The following FILIP1 variants were observed in gnomAD, a reference collection of about 807,000 sequenced individuals.
The protein encoded by FILIP1 is filamin A interacting protein 1.
FILIP1 carries 61 observed loss-of-function variants against 102.1 expected under a neutral mutation model. The observed-to-expected ratio is 0.60, with a 90% CI of 0.49 to 0.74. The LOEUF is 0.74. Among genes scored for constraint, FILIP1 ranks in the 30% least tolerant of loss-of-function variants. The probability of loss-of-function intolerance (pLI) is 0.00; values close to 1 mark genes in which losing one functional copy is unlikely to be tolerated. For missense variants in FILIP1, 1,314 were observed against 1,441.2 expected (o/e 0.91, Z 1.43); for synonymous variants, 491 against 526.9 (o/e 0.93, Z 0.93).
rs1017527092 is a variant in FILIP1 at position 75,403,892 on chromosome 6, C to A, written c.276+10805G>T. ...AGCAGTTATCCAGTTATCTACTGAC[C>A]TTCTAGTCCCCAATGCTCATATTCG... is the stretch of plus-strand genomic sequence containing the variant. On this transcript the variant is annotated intron_variant, in intron 2 of 5. Transcript: ENST00000237172. Among the ~76,000 whole-genome samples, 149 of 152,178 alleles carry A rather than the reference C, an allele frequency of 9.8e-4. 2 individuals carry two copies. The highest frequency in any genetic ancestry group is 2.2e-4 in the Non-Finnish European group (15 of 68,036).
intron 2 of FILIP1, among the ~76,000 whole-genome samples, chr6:75,396,498 C>T (rs945911166): frequency 6.6e-6 from 1 of 152,050 alleles, no homozygotes; most frequent in Non-Finnish European, 1.5e-5. Context: ...CTCTCCATTG[C>T]CTGGCATTCC....
At chr6:75,372,681 GAA>G (rs1161193079) in intron 2 of FILIP1, among the ~76,000 whole-genome samples, 20 of 45,622 alleles carry the variant, frequency 4.4e-4, no homozygotes, top group East Asian at 1.7e-3. Context: ...AAGAAAGAAA[GAA>G]AGAGAAAGAA....
At chr6:75,407,978 T>G (rs1450944734) in intron 2 of FILIP1, among the ~76,000 whole-genome samples, 1 of 152,190 alleles carries the variant, frequency 6.6e-6, no homozygotes, top group Non-Finnish European at 1.5e-5. Context: ...ACTTCTGTCA[T>G]TTTTAGTACA....
At chr6:75,292,570 A>G (rs1772570060) in exon 7 of FILIP1, 2 of 152,160 alleles carry the variant, frequency 1.3e-5, no homozygotes, top group South Asian at 4.1e-4. Context: ...AATTCTTATA[A>G]ACTTTTATTA....
intron 2 of FILIP1, among the ~76,000 whole-genome samples, chr6:75,372,850 T>G (rs796309870): frequency 1.1e-4 from 17 of 152,014 alleles, no homozygotes; most frequent in African/African-American, 4.1e-4. Context: ...GAAACCCTGG[T>G]GCACTAGTGG....
intron 1 of FILIP1, among the ~76,000 whole-genome samples, chr6:75,460,243 T>C (rs1778979774): frequency 6.6e-6 from 1 of 152,148 alleles, no homozygotes; most frequent in Admixed American, 6.6e-5. Context: ...ACCCTCAAAG[T>C]ATTTTTGCTA....
chr6:75,400,001 A>G (rs1776597692), intron 2 of FILIP1, among the ~76,000 whole-genome samples: 1 of 152,154 alleles, frequency 6.6e-6, no homozygotes, highest in Non-Finnish European at 1.5e-5. Flanking sequence ...CATTAAGATG[A>G]CGGTGTTCTC....
At chr6:75,452,281 C>T (rs1388675071) in intron 1 of FILIP1, among the ~76,000 whole-genome samples, 1 of 151,948 alleles carries the variant, frequency 6.6e-6, no homozygotes, top group Non-Finnish European at 1.5e-5. Flanking sequence ...ACAACAGTCC[C>T]CGGTGTGTGA....
At chr6:75,305,325 G>A (rs954808272), downstream of FILIP1, among the ~76,000 whole-genome samples, 9 of 152,214 alleles carry the variant, frequency 5.9e-5, no homozygotes, top group African/African-American at 1.9e-4. Context: ...TGAATCTGGG[G>A]AATGAGAAAT....
intron 1 of FILIP1, among the ~76,000 whole-genome samples, chr6:75,457,612 G>GTC (rs68150078): frequency 0.055 from 7,894 of 142,624 alleles, 268 homozygotes; most frequent in East Asian, 0.079. Flanking sequence ...TTCAAACAAA[G>GTC]TCTCTCTCTC....
chr6:75,350,083 T>G (rs996341125), intron 4 of FILIP1, among the ~76,000 whole-genome samples: 2 of 151,694 alleles, frequency 1.3e-5, no homozygotes, highest in African/African-American at 4.8e-5. Flanking sequence ...GACGCCAACT[T>G]AAGGTATCAA....
chr6:75,341,677 G>C (rs1325991099), intron 4 of FILIP1, among the ~76,000 whole-genome samples: 1 of 151,706 alleles, frequency 6.6e-6, no homozygotes, highest in African/African-American at 2.4e-5. Flanking sequence ...ACTGATTTTT[G>C]CTTATTGATT....
chr6:75,414,904 G>A lies in FILIP1; in HGVS notation c.69C>T (p.Ile23=), dbSNP rs201731757. The A allele has an allele frequency of 3.1e-6, 5 of 1,613,832 alleles. No individual in the cohort carries two copies. The South Asian group carries it at 5.5e-5, about 18-fold the overall frequency. Residue 23 remains isoleucine, a synonymous_variant, in exon 2 of 6, where the codon ATC becomes ATT. Coordinates refer to ENST00000237172, the MANE Select transcript of FILIP1 (RefSeq NM_015687.5). ...GACTTTTTTCACCAGCATTGCCGAT[G>A]ATGGAGGGCTTGGGACAGGAGATAT... ...DGHISCPKPS[I]IGNAGEKSLS... is the part of the protein sequence containing the mutation.
At chr6:75,401,534 G>A (rs13211869) in intron 2 of FILIP1, among the ~76,000 whole-genome samples, 8,845 of 152,132 alleles carry the variant, frequency 0.058, 339 homozygotes, top group Middle Eastern at 0.078. Context: ...CACAAGTGGC[G>A]ACTTAAATTT....
intron 1 of FILIP1, among the ~76,000 whole-genome samples, chr6:75,450,814 G>C (rs1005878522): frequency 1.3e-5 from 2 of 151,974 alleles, no homozygotes; most frequent in South Asian, 2.1e-4. Flanking sequence ...AATTAGCCGG[G>C]CATGGTGGTG....
chr6:75,484,179 A>T (rs969232042), intron 1 of FILIP1, among the ~76,000 whole-genome samples: 1 of 152,158 alleles, frequency 6.6e-6, no homozygotes, highest in African/African-American at 2.4e-5. Flanking sequence ...TCAAGATCTT[A>T]AAAGTAAGCC....
At chr6:75,392,761 A>G (rs1776320044) in intron 2 of FILIP1, among the ~76,000 whole-genome samples, 3 of 152,152 alleles carry the variant, frequency 2.0e-5, no homozygotes, top group Non-Finnish European at 4.4e-5. Flanking sequence ...TGGTTGAATC[A>G]TGGGGGCAGG....
chr6:75,484,506 A>G (rs1444740292), intron 1 of FILIP1, among the ~76,000 whole-genome samples: 1 of 152,226 alleles, frequency 6.6e-6, no homozygotes, highest in Admixed American at 6.6e-5. Flanking sequence ...CAGGTTCTCA[A>G]TATTGGATGC....
At chr6:75,452,561 T>C (rs1778670530) in intron 1 of FILIP1, among the ~76,000 whole-genome samples, 1 of 152,196 alleles carries the variant, frequency 6.6e-6, no homozygotes, top group African/African-American at 2.4e-5. Flanking sequence ...GGATTCCAAA[T>C]TCCACAACAT....
Sources: gnomAD v4.1 joint callset for allele counts (sites outside exome capture counted in the v4.1 genomes callset) on GRCh38, gnomAD v4.1.1 for gene constraint, MANE v1.5 for transcripts, NCBI Gene and HGNC (gene_info 2026-07-23, HGNC 2026-07-21) for gene names.